The following GRAMD1B variants were observed in gnomAD, a reference collection of about 807,000 sequenced individuals.
GRAMD1B encodes the protein GRAM domain containing 1B.
A neutral mutation model predicts 99.7 loss-of-function variants in GRAMD1B; 37 were observed. The observed-to-expected ratio is 0.37, with a 90% CI of 0.29 to 0.49. GRAMD1B has a LOEUF of 0.49. Among genes scored for constraint, GRAMD1B ranks in the 20% least tolerant of loss-of-function variants. The pLI, the probability that GRAMD1B is intolerant of heterozygous loss-of-function variation, is 0.98. For synonymous variants in GRAMD1B, 427 were observed against 387.6 expected, an observed-to-expected ratio of 1.10 and a Z score of -1.19; for missense variants, 888 against 1,009.2, an observed-to-expected ratio of 0.88 and a Z score of 1.63.
At chr11:123,603,227 A>G (rs1159019099) in intron 8 of GRAMD1B, among the ~76,000 whole-genome samples, 199 bp from the exon 9 acceptor site, 2 of 152,202 alleles carry the variant, frequency 1.3e-5, no homozygotes, top group Non-Finnish European at 2.9e-5. Flanking sequence ...TGGCTTTGTT[A>G]AAGTCCACAT....
chr11:123,612,849 T>C lies in GRAMD1B; in HGVS notation c.2008T>C (p.Tyr670His), dbSNP rs1329532401. The C allele has an allele frequency of 1.9e-6, 3 of 1,599,066 alleles. No homozygotes were observed. Among genetic ancestry groups the C allele is most frequent in the Non-Finnish European group, 2.6e-6 (3 of 1,166,752 alleles). ...EKNFWSGLED[Y>H]FRHLESELAK... ...GAACTTCTGGAGTGGGCTGGAGGAC[T>C]ACTTCCGCCATTTAGGTGAGCACTG... The change falls in exon 15 of 20, where the codon TAC (tyrosine) becomes CAC (histidine). Residue 670 changes from tyrosine to histidine, a missense_variant. Coordinates refer to ENST00000635736, the MANE Select transcript of GRAMD1B (RefSeq NM_001387025.1).
chr11:123,513,578 T>TTTCCTTCC (rs779709381), intron 2 of GRAMD1B, among the ~76,000 whole-genome samples: 3,528 of 41,594 alleles, frequency 0.085, 353 homozygotes, highest in South Asian at 0.12. Flanking sequence ...CCTTCCTTCC[T>TTTCCTTCC]TTCCTTCCTT....
At chr11:123,465,700 C>T (rs570221563) in intron 1 of GRAMD1B, among the ~76,000 whole-genome samples, 11 of 150,068 alleles carry the variant, frequency 7.3e-5, no homozygotes, top group Admixed American at 1.3e-4. Context: ...ACCCGGGAGG[C>T]GGAGGTTGCA....
intron 1 of GRAMD1B, among the ~76,000 whole-genome samples, chr11:123,378,259 AT>A (rs147233751): frequency 6.6e-6 from 1 of 152,138 alleles, no homozygotes; most frequent in Admixed American, 6.6e-5. Flanking sequence ...CAAAGCCTGC[AT>A]TTTTTTTACT....
chr11:123,604,193 C>T (rs1952388699), intron 9 of GRAMD1B, among the ~76,000 whole-genome samples: 1 of 152,150 alleles, frequency 6.6e-6, no homozygotes, highest in South Asian at 2.1e-4. Flanking sequence ...GTGGAGTGCA[C>T]AGGGAAGCCT....
chr11:123,543,747 C>T (rs958047620), intron 2 of GRAMD1B, among the ~76,000 whole-genome samples: 1 of 152,166 alleles, frequency 6.6e-6, no homozygotes, highest in African/African-American at 2.4e-5. Context: ...CAGAAGAATT[C>T]GCCATTTCCT....
intron 2 of GRAMD1B, among the ~76,000 whole-genome samples, chr11:123,502,478 T>C (rs1939963734): frequency 6.6e-6 from 1 of 152,086 alleles, no homozygotes; most frequent in South Asian, 2.1e-4. Context: ...TACTTCCTGG[T>C]AAACCCATCA....
rs1018000340 is a variant in GRAMD1B, at chr11:123,588,093, C to T, written c.684+3761C>T. 4.0e-5 allele frequency among the ~76,000 whole-genome samples: 6 copies of T among 151,866 alleles called. 1 individual carries two copies. Among genetic ancestry groups the T allele is most frequent in the African/African-American group, 7.3e-5 (3 of 41,314 alleles). The stretch of plus-strand genomic sequence containing the variant: ...TTTGCTCAGTTACGTCCTCGTCTCC[C>T]GTCCCACTCTGCCTTCTGCCTATCC... On this transcript the variant is annotated intron_variant, in intron 4 of 19. Transcript: ENST00000635736.
rs1950223151 is a variant in GRAMD1B, at chr11:123,587,902, G to C, written c.684+3570G>C. On this transcript the variant is annotated intron_variant, in intron 4 of 19. Coordinates refer to ENST00000635736, the MANE Select transcript of GRAMD1B (RefSeq NM_001387025.1). This position sits in a 1 kb window ranked among gnomAD's most constrained non-coding sequence, Gnocchi z 4.2. The stretch of plus-strand genomic sequence containing the variant: ...CTGGTGTTGCTCCAGGACTGACACT[G>C]CTCCTCCTCCTCTGTCTGTCTCCCC... 6.6e-6 allele frequency among the ~76,000 whole-genome samples: 1 copy of C among 152,058 alleles called. No homozygotes were observed. The highest frequency in any genetic ancestry group is 1.9e-4 in the East Asian group (1 of 5,176).
intron 1 of GRAMD1B, among the ~76,000 whole-genome samples, chr11:123,461,459 C>T (rs185125471): frequency 6.2e-4 from 94 of 152,342 alleles, no homozygotes; most frequent in African/African-American, 1.8e-3. Context: ...GCAGGCCAAA[C>T]GTCACTGGCC....
Position 123,625,939 on chromosome 11 carries a change from A to AGAGAGG in GRAMD1B, c.*3349_*3350insGGAGAG. 1.5e-5 allele frequency: 1 copy of AGAGAGG among 65,088 alleles called. No homozygotes were observed. Among genetic ancestry groups the AGAGAGG allele is most frequent in the Non-Finnish European group, 3.0e-5 (1 of 33,480 alleles). 4.0% of individuals were successfully genotyped at this position (65,088 alleles called of 1,614,324 possible). A position where few individuals can be genotyped will look rare whatever the true frequency, so the allele number is the denominator to read the frequency against. On this transcript the variant is annotated 3_prime_UTR_variant, in exon 20 of 20. Coordinates refer to ENST00000635736, the MANE Select transcript of GRAMD1B (RefSeq NM_001387025.1). Reference sequence around the variant, plus strand: ...GAGGGCTGGGGAGGCCCAGTGGAAGAGAGAGAGAGAGAGAGAGAGAGAGAG... The same window carrying AGAGAGG: ...GAGGGCTGGGGAGGCCCAGTGGAAGAGAGAGGGAGAGAGAGAGAGAGAGAGAGAGAG...
At chr11:123,578,454 C>A in intron 3 of GRAMD1B, 1 of 1,497,442 alleles carries the variant, frequency 6.7e-7, no homozygotes, top group Non-Finnish European at 9.0e-7. Flanking sequence ...TGTCTCTGTC[C>A]TTTTATCTCC....
Position 123,626,363 on chromosome 11 carries a change from C to G in GRAMD1B, c.*3768C>G, listed in dbSNP as rs987621801. 6.6e-6 allele frequency: 1 copy of G among 151,144 alleles called. No homozygotes were observed. Among genetic ancestry groups the G allele is most frequent in the African/African-American group, 2.4e-5 (1 of 41,020 alleles). 9.4% of individuals were successfully genotyped at this position (151,144 alleles called of 1,614,324 possible). ...TGTGAGAAGTGGATTCTCTCCGTGT[C>G]CCTGCCCCCCACCCAAACTTGAACT... On this transcript the variant is annotated 3_prime_UTR_variant, in exon 20 of 20. Transcript: ENST00000635736.
intron 1 of GRAMD1B, among the ~76,000 whole-genome samples, chr11:123,361,330 T>C (rs1946141095): frequency 6.6e-6 from 1 of 152,228 alleles, no homozygotes; most frequent in South Asian, 2.1e-4. Context: ...CTGCTCCAAC[T>C]GTCGGCTGCT....
chr11:123,403,379 A>T (rs1413765800), intron 1 of GRAMD1B, among the ~76,000 whole-genome samples: 2 of 151,038 alleles, frequency 1.3e-5, no homozygotes, highest in African/African-American at 4.9e-5. Context: ...GTGAGCTGAG[A>T]TCATGCCATT....
At chr11:123,614,464 TA>T (rs1310160658) in intron 16 of GRAMD1B, among the ~76,000 whole-genome samples, 6 of 152,182 alleles carry the variant, frequency 3.9e-5, no homozygotes, top group Admixed American at 2.0e-4. Context: ...TCCTCTCCCA[TA>T]GCTGAAGATC....
chr11:123,396,630 C>G (rs1456554970), intron 1 of GRAMD1B, among the ~76,000 whole-genome samples: 2 of 152,224 alleles, frequency 1.3e-5, no homozygotes, highest in African/African-American at 4.8e-5. Context: ...ATGTGTCCCA[C>G]TGCTCTGCTG....
intron 6 of GRAMD1B, 41 bp downstream of exon 6, chr11:123,594,879 T>G (rs773112884): frequency 9.7e-7 from 1 of 1,026,314 alleles, no homozygotes; most frequent in Non-Finnish European, 1.6e-6. Context: ...TCTCCTTGGC[T>G]ATGGCTGAGC....
intron 19 of GRAMD1B, among the ~76,000 whole-genome samples, chr11:123,621,866 T>C (rs1463806304): frequency 2.7e-5 from 2 of 73,618 alleles, no homozygotes; most frequent in Non-Finnish European, 5.9e-5. Context: ...TCTTTCTTTC[T>C]TTTCTTTCTT....
Sources: gnomAD v4.1 joint callset for allele counts (sites outside exome capture counted in the v4.1 genomes callset) on GRCh38, gnomAD v4.1.1 for gene constraint, Gnocchi (gnomAD v3.1) non-coding constraint, MANE v1.5 for transcripts, NCBI Gene and HGNC (gene_info 2026-07-23, HGNC 2026-07-21) for gene names.